Variants in ADCK5 observed in about 807,000 individuals in gnomAD.
The protein encoded by ADCK5 is aarF domain containing kinase 5, also known as uncharacterized aarF domain-containing protein kinase 5.
A neutral mutation model predicts 64.9 loss-of-function variants in ADCK5; 43 were observed. The ratio of observed to expected loss-of-function variants is 0.66; its 90% CI spans 0.52 to 0.85. ADCK5 has a LOEUF of 0.85. Among genes scored for constraint, ADCK5 ranks in the 40% least tolerant of loss-of-function variants. The pLI is 0.00. For synonymous variants in ADCK5, 434 were observed against 342.8 expected (o/e 1.27, Z -2.94); for missense variants, 760 against 810.5 (o/e 0.94, Z 0.76).
chr8:144,391,007 G>C lies in ADCK5; in HGVS notation c.494G>C (p.Arg165Pro). 6.2e-7 allele frequency: 1 copy of C among 1,612,960 alleles called. No individual in the cohort carries two copies. Among genetic ancestry groups the C allele is most frequent in the South Asian group, 1.1e-5 (1 of 91,082 alleles). Residue 165 changes from arginine to proline, a missense_variant, in exon 5 of 15, where the codon CGG becomes CCG. This residue lies in a region of ADCK5 where 427 missense variants were observed against 518.4 expected (regional missense o/e 0.82). Transcript: ENST00000308860. ...CACCTGCTTCCCCCCGAGTATACCC[G>C]GACCCTGCGCGTGCTAGAGGACAGG... The part of the protein sequence containing the change: ...FNHLLPPEYT[R>P]TLRVLEDRAL...
At chr8:144,375,730 G>C in intron 1 of ADCK5, 1 of 872,346 alleles carries the variant, frequency 1.1e-6, no homozygotes, top group Non-Finnish European at 1.4e-6. Context: ...CGTTTGTGCA[G>C]ACAGACTGCA....
chr8:144,385,579 G>A (rs1242124371), intron 3 of ADCK5, among the ~76,000 whole-genome samples: 10 of 151,386 alleles, frequency 6.6e-5, no homozygotes, highest in Non-Finnish European at 1.0e-4. Context: ...CCTGGGAGGC[G>A]GAGGTTGCAG....
intron 5 of ADCK5, 29 bp from the exon 6 acceptor site, chr8:144,391,105 C>A: frequency 6.2e-7 from 1 of 1,610,496 alleles, no homozygotes; most frequent in South Asian, 1.1e-5. Flanking sequence ...GCAGTGGCCC[C>A]AGGCTGCTCT....
Position 144,390,740 on chromosome 8 carries a change from G to A in ADCK5, c.336G>A (p.Val112=), listed in dbSNP as rs56192724. Residue 112 remains valine, a synonymous_variant, in exon 4 of 15, where the codon GTG becomes GTA. Coordinates refer to ENST00000308860, the MANE Select transcript of ADCK5 (RefSeq NM_174922.5). ...GCACCAATGTTGTCCTTCGAGGGGT[G>A]GAAGAGGTTTGTCCTGGTGCCCTGG... The part of the protein sequence containing the change: ...WWCTNVVLRG[V]EENSPGYLEV... 6,371 of 1,613,814 alleles carry A rather than the reference G, an allele frequency of 3.9e-3. 21 individuals are homozygous for A. Among genetic ancestry groups the A allele is most frequent in the Middle Eastern group, 7.1e-3 (43 of 6,062 alleles).
At position 144,391,475 on chromosome 8, in the gene ADCK5, G is replaced by A. The variant is rs2130730342; in HGVS notation, c.798+1G>A. On this transcript the variant is annotated splice_donor_variant, in intron 7 of 14. Coordinates refer to ENST00000308860, the MANE Select transcript of ADCK5 (RefSeq NM_174922.5). LOFTEE classifies it high-confidence loss of function. ...CTTTGGCTTCAGCTGGGTCCTCCAG[G>A]TACAGCCCCACCCCTTCCCCGGCCA... The A allele has an allele frequency of 6.2e-7, 1 of 1,609,456 alleles. No individual in the cohort carries two copies. The highest frequency in any genetic ancestry group is 1.3e-5 in the African/African-American group (1 of 75,026).
intron 2 of ADCK5, among the ~76,000 whole-genome samples, chr8:144,380,393 G>A (rs79051554): frequency 6.6e-6 from 1 of 152,142 alleles, no homozygotes; most frequent in Non-Finnish European, 1.5e-5. Flanking sequence ...TCAGGATTAT[G>A]GGCCGGGTGT....
In ADCK5 at chr8:144,392,601, G is replaced by A. The variant is rs1054336701; in HGVS notation, c.1424G>A (p.Arg475Gln). The A allele has an allele frequency of 8.2e-6, 13 of 1,581,854 alleles. No homozygotes were observed. Among genetic ancestry groups the A allele is most frequent in the Admixed American group, 1.8e-5 (1 of 57,036 alleles). ...ATGGCGGTGCTCAGGGAGCTGCCGC[G>A]GCCCATGCTGCTGGTGCTGCGCAAC... is the stretch of plus-strand genomic sequence containing the variant. ...AVMAVLRELP[R>Q]PMLLVLRNIN... Residue 475 changes from arginine to glutamine, a missense_variant, in exon 13 of 15, where the codon CGG (arginine) becomes CAG (glutamine). Physicochemically the swap from Arg to Gln is conservative, Grantham distance 43. Around this residue, in one of 2 missense-constraint regions of ADCK5, gnomAD observed 333 missense variants for 292.0 expected, o/e 1.14. Coordinates refer to ENST00000308860, the MANE Select transcript of ADCK5 (RefSeq NM_174922.5).
rs782077212 is a variant in ADCK5, at chr8:144,391,874, CG to C, written c.1014+15del. 44 of 135,052 alleles carry C rather than the reference CG, an allele frequency of 3.3e-4. No individual in the cohort carries two copies. Among genetic ancestry groups the C allele is most frequent in the Non-Finnish European group, 5.0e-4 (36 of 71,808 alleles). The allele number at this position is 135,052 out of a possible 1,614,324, so 8.4% of individuals were successfully genotyped here. ...GGGCTGGCAGTGCATGACGTGAGTG[CG>C]GGGGGGCGGGGGCGGGTCAGGGCGG... On this transcript the variant is annotated intron_variant, in intron 9 of 14. Coordinates refer to ENST00000308860, the MANE Select transcript of ADCK5 (RefSeq NM_174922.5).
At chr8:144,373,672 G>C (rs1214104731), upstream of ADCK5, 3 of 169,828 alleles carry the variant, frequency 1.8e-5, no homozygotes, top group African/African-American at 4.7e-5. Context: ...TTGGAGTCCT[G>C]AGGTTAAAGA....
intron 2 of ADCK5, among the ~76,000 whole-genome samples, chr8:144,382,771 A>G (rs1554858535): frequency 6.6e-6 from 1 of 152,190 alleles, no homozygotes; most frequent in Non-Finnish European, 1.5e-5. Context: ...AGGAGCACAG[A>G]CCTGCCATTG....
intron 3 of ADCK5, among the ~76,000 whole-genome samples, chr8:144,385,376 G>A (rs1819871480): frequency 6.6e-6 from 1 of 151,622 alleles, no homozygotes; most frequent in Non-Finnish European, 1.5e-5. Context: ...TAGAGACAGG[G>A]TTTCGTCATG....
Position 144,391,618 on chromosome 8 carries a change from G to C in ADCK5, c.837G>C (p.Glu279Asp). The C allele has an allele frequency of 6.4e-7, 1 of 1,568,308 alleles. No homozygotes were observed. The highest frequency in any genetic ancestry group is 8.6e-7 in the Non-Finnish European group (1 of 1,161,900). Reference sequence around the variant, plus strand: ...CCCTGGCCCAGGAGCTGGACTTCGAGAATGAGGGCCGCAACGCAGAGCGCT... The same window carrying C: ...CCCTGGCCCAGGAGCTGGACTTCGACAATGAGGGCCGCAACGCAGAGCGCT... Reference protein sequence around the residue: ...KGTLAQELDFENEGRNAERCA... With the variant: ...KGTLAQELDFDNEGRNAERCA... Residue 279 changes from glutamate (E) to aspartate (D), a missense_variant, in exon 8 of 15, where the codon GAG becomes GAC. Physicochemically the swap from Glu to Asp is conservative, Grantham distance 45 (BLOSUM62 2). This residue lies in a region of ADCK5 where 427 missense variants were observed against 518.4 expected (regional missense o/e 0.82). Transcript: ENST00000308860.
chr8:144,379,718 G>C (rs1290334631), intron 2 of ADCK5, among the ~76,000 whole-genome samples: 1 of 152,248 alleles, frequency 6.6e-6, no homozygotes, highest in Admixed American at 6.5e-5. Context: ...ATTTAGAGCA[G>C]ACAGCTAGCA....
At chr8:144,380,427 C>T (rs1819558524) in intron 2 of ADCK5, among the ~76,000 whole-genome samples, 2 of 149,882 alleles carry the variant, frequency 1.3e-5, no homozygotes, top group Admixed American at 1.3e-4. Context: ...TGCTCAGGCA[C>T]CTGCTGCACT....
At chr8:144,383,771 G>T (rs906329016) in intron 3 of ADCK5, among the ~76,000 whole-genome samples, 7 of 152,270 alleles carry the variant, frequency 4.6e-5, no homozygotes, top group Admixed American at 3.3e-4. Flanking sequence ...GGAACCCTTG[G>T]GTGGGCATTC....
At chr8:144,386,967 C>T (rs1323987091) in intron 3 of ADCK5, among the ~76,000 whole-genome samples, 1 of 152,204 alleles carries the variant, frequency 6.6e-6, no homozygotes, top group Admixed American at 6.5e-5. Context: ...AGATTACAGG[C>T]TTGTAAGTAT....
In ADCK5 at chr8:144,391,358, C is replaced by T. The variant is rs1554860494; in HGVS notation, c.685-3C>T. The T allele has an allele frequency of 5.0e-6, 8 of 1,612,950 alleles. No individual in the cohort carries two copies. The highest frequency in any genetic ancestry group is 6.8e-6 in the Non-Finnish European group (8 of 1,179,990). On this transcript the variant is annotated splice_region_variant and splice_polypyrimidine_tract_variant and intron_variant, in intron 6 of 14. Coordinates refer to ENST00000308860, the MANE Select transcript of ADCK5 (RefSeq NM_174922.5). ...GTTCTCACCACACCCTCGCCCAGTG[C>T]AGGTGCAGTACATCGACCTGCGGGA...
Position 144,391,009 on chromosome 8 carries a change from AC to A in ADCK5, c.499del (p.Leu167CysfsTer4). The A allele has an allele frequency of 6.2e-7, 1 of 1,612,880 alleles. No homozygotes were observed. The highest frequency in any genetic ancestry group is 8.5e-7 in the Non-Finnish European group (1 of 1,179,970). On this transcript the variant is annotated frameshift_variant, in exon 5 of 15. Coordinates refer to ENST00000308860, the MANE Select transcript of ADCK5 (RefSeq NM_174922.5). LOFTEE classifies it high-confidence loss of function. ...NHLLPPEYTR[T>X]LRVLEDRALK... Reference sequence around the variant, plus strand: ...CCTGCTTCCCCCCGAGTATACCCGGACCCTGCGCGTGCTAGAGGACAGGGCC... The same window carrying A: ...CCTGCTTCCCCCCGAGTATACCCGGACCTGCGCGTGCTAGAGGACAGGGCC...
rs202063131 is a variant in ADCK5, at chr8:144,392,414, CCCCTCCCTCCCT to C, written c.1268-15_1268-4del. 5.4e-4 allele frequency: 782 copies of C among 1,435,950 alleles called. 6 individuals are homozygous for C. The highest frequency in any genetic ancestry group is 3.0e-3 in the Admixed American group (120 of 39,672). 89.0% of individuals were successfully genotyped at this position (1,435,950 alleles called of 1,614,324 possible). On this transcript the variant is annotated intron_variant, in intron 12 of 14. Coordinates refer to ENST00000308860, the MANE Select transcript of ADCK5 (RefSeq NM_174922.5). ...GGGCGGCGCGGAACCCACTCAGAGC[CCCCTCCCTCCCT>C]CCCTCCCTCCCTCCCCAGACTACCT... is the stretch of plus-strand genomic sequence containing the variant.
Sources: allele counts gnomAD v4.1 joint callset (sites outside exome capture counted in the v4.1 genomes callset), GRCh38; gene constraint gnomAD v4.1.1; regional missense constraint gnomAD v4.1.1; transcripts MANE v1.5; gene names NCBI Gene and HGNC (gene_info 2026-07-23, HGNC 2026-07-21).